POMK: variants seen among roughly 807,000 people sequenced by gnomAD.
The protein encoded by POMK is Sugen kinase 196.
In POMK, 19 loss-of-function variants were observed where a neutral mutation model predicts 23.0. That is an observed-to-expected ratio of 0.83 (90% confidence interval 0.58 to 1.21). POMK has a LOEUF of 1.21. Among genes scored for constraint, POMK ranks in the 50% most tolerant of loss-of-function variants. The pLI is 0.00. For missense variants in POMK, 410 were observed against 431.3 expected, an observed-to-expected ratio of 0.95 and a Z score of 0.44; for synonymous variants, 173 against 171.6, an observed-to-expected ratio of 1.01 and a Z score of -0.06.
rs1811609345 is a variant in POMK, at chr8:43,109,627, C to T, written c.282+5797C>T. Among the ~76,000 whole-genome samples, 3 of 152,254 alleles carry T rather than the reference C, an allele frequency of 2.0e-5. No homozygotes were observed. The South Asian group carries it at 6.2e-4, about 32-fold the overall frequency. ...GCATGGTCTCGGCTCACTGCAGCCT[C>T]CATCTCCTGGGTTCAAGTGATTCTC... On this transcript the variant is annotated intron_variant, in intron 4 of 4. Coordinates refer to ENST00000331373, the MANE Select transcript of POMK (RefSeq NM_032237.5).
chr8:43,120,649 A>G (rs531294484), intron 4 of POMK, among the ~76,000 whole-genome samples: 8 of 150,312 alleles, frequency 5.3e-5, no homozygotes, highest in Non-Finnish European at 8.9e-5. Context: ...TGTACGCTCC[A>G]TTACACCCTG....
In POMK at chr8:43,112,824, A is replaced by C. The variant is rs535052293; in HGVS notation, c.282+8994A>C. Among the ~76,000 whole-genome samples, 99 of 152,334 alleles carry C rather than the reference A, an allele frequency of 6.5e-4. 2 individuals are homozygous for C. The South Asian group carries it at 0.019, about 30-fold the overall frequency. On this transcript the variant is annotated intron_variant, in intron 4 of 4. Coordinates refer to ENST00000331373, the MANE Select transcript of POMK (RefSeq NM_032237.5). ...ATATCCAGCCAAACTAAGCTTCATCAGTGAAGGAGAAATAAAATACTTTAC... is the reference window on the plus strand; with the variant it reads ...ATATCCAGCCAAACTAAGCTTCATCCGTGAAGGAGAAATAAAATACTTTAC...
rs1167247081 is a variant in POMK, at chr8:43,122,541, G to A, written c.717G>A (p.Gly239=). The change falls in exon 5 of 5, where the codon GGG becomes GGA. Residue 239 remains glycine (G), a synonymous_variant. Coordinates refer to ENST00000331373, the MANE Select transcript of POMK (RefSeq NM_032237.5). The part of the protein sequence containing the change: ...DALPLVNHSS[G]MLVKCGHREL... ...TACCCCTGGTGAACCACAGCTCCGG[G>A]ATGCTGGTGAAGTGCGGCCACAGGG... is the stretch of plus-strand genomic sequence containing the variant. The A allele has an allele frequency of 6.2e-7, 1 of 1,614,086 alleles. No homozygotes were observed. Among genetic ancestry groups the A allele is most frequent in the African/African-American group, 1.3e-5 (1 of 74,930 alleles).
chr8:43,111,386 C>T (rs1811659485), intron 4 of POMK, among the ~76,000 whole-genome samples: 1 of 152,208 alleles, frequency 6.6e-6, no homozygotes, highest in African/African-American at 2.4e-5. Context: ...GGGCGCCCGC[C>T]ATTGCTCAGG....
intron 1 of POMK, among the ~76,000 whole-genome samples, chr8:43,094,644 C>A (rs1209477670): frequency 1.3e-5 from 2 of 152,254 alleles, no homozygotes; most frequent in East Asian, 1.9e-4. Flanking sequence ...GCTTTATTGG[C>A]GCAATGGAAT....
chr8:43,097,087 A>G (rs1192228627), intron 1 of POMK, among the ~76,000 whole-genome samples: 1 of 152,220 alleles, frequency 6.6e-6, no homozygotes, highest in Non-Finnish European at 1.5e-5. Context: ...AAGTAGATAG[A>G]TAAGTAGGTA....
At chr8:43,121,798 C>G (rs1416606640) in intron 4 of POMK, among the ~76,000 whole-genome samples, 1 of 152,230 alleles carries the variant, frequency 6.6e-6, no homozygotes, top group Non-Finnish European at 1.5e-5. Flanking sequence ...AGGTCCCCCT[C>G]GTTCTATGAG....
At chr8:43,093,868 T>G (rs893595734) in intron 1 of POMK, among the ~76,000 whole-genome samples, 1 of 152,212 alleles carries the variant, frequency 6.6e-6, no homozygotes, top group Non-Finnish European at 1.5e-5. Context: ...GAGGATCGCG[T>G]GAGCTCAGGC....
Position 43,122,682 on chromosome 8 carries a change from A to G in POMK, c.858A>G (p.Pro286=). 6.2e-7 allele frequency: 1 copy of G among 1,614,214 alleles called. No individual in the cohort carries two copies. The highest frequency in any genetic ancestry group is 1.3e-5 in the African/African-American group (1 of 75,042). The stretch of plus-strand genomic sequence containing the variant: ...AGAAGATTGACATTTGGAAGATCCC[A>G]GACATCTCCAGTTTCCTTCTGGGGC... ...YDEKIDIWKI[P]DISSFLLGHI... The change falls in exon 5 of 5, where the codon CCA becomes CCG. Residue 286 remains proline (P), a synonymous_variant. Transcript: ENST00000331373.
chr8:43,096,887 C>T (rs1811346198), intron 1 of POMK, among the ~76,000 whole-genome samples: 1 of 152,146 alleles, frequency 6.6e-6, no homozygotes, highest in Non-Finnish European at 1.5e-5. Context: ...AGGATAATAC[C>T]AGCCCATCAC....
At chr8:43,094,920 A>G (rs1158681972) in intron 1 of POMK, among the ~76,000 whole-genome samples, 1 of 152,120 alleles carries the variant, frequency 6.6e-6, no homozygotes, top group Non-Finnish European at 1.5e-5. Context: ...TGTTTTCAGG[A>G]CCAGTAAATT....
chr8:43,101,163 C>T (rs1243293696), intron 2 of POMK, among the ~76,000 whole-genome samples: 1 of 151,950 alleles, frequency 6.6e-6, no homozygotes, highest in Non-Finnish European at 1.5e-5. Context: ...TGGCTCATGC[C>T]TGTAATCCCA....
intron 4 of POMK, among the ~76,000 whole-genome samples, chr8:43,111,008 C>T (rs901714523): frequency 1.4e-4 from 21 of 152,182 alleles, no homozygotes; most frequent in East Asian, 7.7e-4. Flanking sequence ...ACGCAGAAGA[C>T]GGGTGATTTC....
chr8:43,105,709 G>A (rs1460205184), intron 4 of POMK, among the ~76,000 whole-genome samples: 2 of 152,156 alleles, frequency 1.3e-5, no homozygotes, highest in Non-Finnish European at 2.9e-5. Context: ...TTGTTGCCCA[G>A]GCTGGAGTGC....
At chr8:43,097,062 G>C (rs1170447259) in intron 1 of POMK, among the ~76,000 whole-genome samples, 1 of 152,178 alleles carries the variant, frequency 6.6e-6, no homozygotes, top group Non-Finnish European at 1.5e-5. Context: ...GCAACATAGT[G>C]AGACTCCATG....
intron 1 of POMK, among the ~76,000 whole-genome samples, chr8:43,093,917 G>C (rs1256623647): frequency 6.6e-6 from 1 of 152,174 alleles, no homozygotes; most frequent in Admixed American, 6.5e-5. Context: ...TTCTGTCTCC[G>C]TAAAAAAGCA....
chr8:43,100,933 T>C (rs1811427977), intron 2 of POMK, among the ~76,000 whole-genome samples: 1 of 152,028 alleles, frequency 6.6e-6, no homozygotes, highest in Non-Finnish European at 1.5e-5. Context: ...TAGAGGCTGC[T>C]ACTGTGGGTT....
chr8:43,096,299 G>C (rs1811333853), intron 1 of POMK, among the ~76,000 whole-genome samples: 1 of 152,192 alleles, frequency 6.6e-6, no homozygotes, highest in Non-Finnish European at 1.5e-5. Flanking sequence ...GTTTGGACTT[G>C]ATCCTGTGGG....
intron 4 of POMK, among the ~76,000 whole-genome samples, chr8:43,119,252 G>T (rs867184927): frequency 6.2e-4 from 95 of 152,226 alleles, no homozygotes; most frequent in African/African-American, 2.2e-3. Context: ...CCATGGATCT[G>T]AACAAAACCT....
Sources: gnomAD v4.1 joint callset for allele counts (sites outside exome capture counted in the v4.1 genomes callset) on GRCh38, gnomAD v4.1.1 for gene constraint, MANE v1.5 for transcripts, NCBI Gene and HGNC (gene_info 2026-07-23, HGNC 2026-07-21) for gene names.